The following BLNK variants were observed in gnomAD, a reference collection of about 807,000 sequenced individuals.
BLNK encodes B-cell linker protein.
In BLNK, 29 loss-of-function variants were observed where a neutral mutation model predicts 73.5. That is an observed-to-expected ratio of 0.39 (90% CI 0.29 to 0.54). The LOEUF (loss-of-function observed/expected upper bound fraction) is 0.54. Among genes scored for constraint, BLNK ranks in the 20% least tolerant of loss-of-function variants. The probability of loss-of-function intolerance (pLI) is 0.61; values close to 1 mark genes in which losing one functional copy is unlikely to be tolerated. For synonymous variants in BLNK, 176 were observed against 200.8 expected (o/e 0.88, Z 1.04); for missense variants, 460 against 562.8 (o/e 0.82, Z 1.85).
chr10:96,214,014 A>G (rs2084005975), intron 8 of BLNK, among the ~76,000 whole-genome samples: 1 of 152,232 alleles, frequency 6.6e-6, no homozygotes, highest in South Asian at 2.1e-4. Context: ...GAGTCCAGGA[A>G]AAGATTTTTA....
At chr10:96,225,961 G>A (rs587663011) in intron 5 of BLNK, among the ~76,000 whole-genome samples, 33 of 152,212 alleles carry the variant, frequency 2.2e-4, no homozygotes, top group African/African-American at 6.5e-4. Context: ...GTGTTCTTGA[G>A]TGAGCCACTT....
intron 1 of BLNK, among the ~76,000 whole-genome samples, chr10:96,254,660 G>A (rs1173157843): frequency 1.3e-5 from 2 of 152,096 alleles, no homozygotes; most frequent in East Asian, 3.9e-4. Flanking sequence ...ACAGGCGCCT[G>A]CCACCACGCC....
rs1351093632 is a variant in BLNK, at chr10:96,190,600, G to A, written c.*1373C>T. 6.6e-6 allele frequency among the ~76,000 whole-genome samples: 1 copy of A among 152,208 alleles called. No homozygotes were observed. Among genetic ancestry groups the A allele is most frequent in the African/African-American group, 2.4e-5 (1 of 41,452 alleles). On this transcript the variant is annotated 3_prime_UTR_variant, in exon 17 of 17. Transcript: ENST00000224337. ...ACATTTAAATATACAATTATCTTTA[G>A]AAGTGAGTCATGAGTTACCCTGAAA...
rs587762341 is a variant in BLNK at position 96,199,192 on chromosome 10, A to C, written c.1095+883T>G. Among the ~76,000 whole-genome samples, 21 of 152,350 alleles carry C rather than the reference A, an allele frequency of 1.4e-4. No individual in the cohort carries two copies. The South Asian group carries it at 4.3e-3, about 32-fold the overall frequency. ...AAGGGTGAGGAAGAACAGTATGTAA[A>C]TGCTATATATTCTGACAAAGTGGAG... On this transcript the variant is annotated intron_variant, in intron 15 of 16. Coordinates refer to ENST00000224337, the MANE Select transcript of BLNK (RefSeq NM_013314.4).
In BLNK at chr10:96,262,500, C is replaced by G. The variant is rs138673965; in HGVS notation, c.47+8852G>C. Among the ~76,000 whole-genome samples the G allele has an allele frequency of 6.1e-3, 936 of 152,260 alleles. 3 individuals are homozygous for G. Among genetic ancestry groups the G allele is most frequent in the Non-Finnish European group, 8.4e-3 (574 of 68,024 alleles). The stretch of plus-strand genomic sequence containing the variant: ...GGGATTAAGTGATCTTCTCAAAGAC[C>G]ACAAGCTGGTAAGTGCAGAGCAAAT... On this transcript the variant is annotated intron_variant, in intron 1 of 16. Transcript: ENST00000224337.
intron 1 of BLNK, among the ~76,000 whole-genome samples, chr10:96,253,683 T>C (rs1843381846): frequency 6.6e-6 from 1 of 152,164 alleles, no homozygotes; most frequent in Admixed American, 6.5e-5. Flanking sequence ...CTAGGCCTGG[T>C]GACTCTTATG....
At chr10:96,257,718 C>T (rs1016989013) in intron 1 of BLNK, among the ~76,000 whole-genome samples, 2 of 152,202 alleles carry the variant, frequency 1.3e-5, no homozygotes, top group African/African-American at 4.8e-5. Flanking sequence ...ATACATGACT[C>T]GTTTTGTTTT....
intron 1 of BLNK, among the ~76,000 whole-genome samples, chr10:96,255,817 T>G (rs1843483880): frequency 6.6e-6 from 1 of 152,102 alleles, no homozygotes; most frequent in African/African-American, 2.4e-5. Flanking sequence ...GAGGGCTTGT[T>G]AGGGCCTCTT....
rs1554892956 is a variant in BLNK at position 96,189,396 on chromosome 10, G to C, written c.*2577C>G. The stretch of plus-strand genomic sequence containing the variant: ...TCCTCCACTGCCAGGATCTTGAATA[G>C]TCTCCTGGTCAGTTGTCCGGAAGCA... On this transcript the variant is annotated 3_prime_UTR_variant, in exon 17 of 17. Transcript: ENST00000224337. 6.8e-6 allele frequency: 4 copies of C among 585,340 alleles called. No individual in the cohort carries two copies. Among genetic ancestry groups the C allele is most frequent in the Non-Finnish European group, 1.3e-5 (4 of 309,444 alleles). The allele number at this position is 585,340 out of a possible 1,614,324, so 36.3% of individuals were successfully genotyped here. A position where few individuals can be genotyped will look rare whatever the true frequency, so the allele number is the denominator to read the frequency against.
intron 11 of BLNK, among the ~76,000 whole-genome samples, chr10:96,205,743 A>C (rs1238045446): frequency 6.6e-6 from 1 of 152,190 alleles, no homozygotes; most frequent in Non-Finnish European, 1.5e-5. Context: ...CTCTTGAAAT[A>C]AATAACAAAG....
At chr10:96,207,959 T>C (rs1310473111) in intron 9 of BLNK, 60 bp from the exon 10 acceptor site, 8 of 1,545,374 alleles carry the variant, frequency 5.2e-6, no homozygotes, top group Non-Finnish European at 7.2e-6. Context: ...TGGAGCTATT[T>C]ACCATTATTT....
In BLNK at chr10:96,204,064, AGG is replaced by A; in HGVS notation, c.925_926del (p.Pro309SerfsTer22). ...AQKQIHQKPI[P>X]LPRFTEGGNP... ...TGGCTTCGTTGTACTTACTTGGCAGAGGTATGGGTTTTTGGTGGATTTGTCTG... is the reference window on the plus strand; with the variant it reads ...TGGCTTCGTTGTACTTACTTGGCAGATATGGGTTTTTGGTGGATTTGTCTG... On this transcript the variant is annotated frameshift_variant, in exon 13 of 17. Transcript: ENST00000224337. LOFTEE classifies it high-confidence loss of function. The A allele has an allele frequency of 6.2e-7, 1 of 1,613,700 alleles. No individual in the cohort carries two copies.
intron 11 of BLNK, 159 bp from the exon 12 acceptor site, chr10:96,204,775 TG>T (rs1459049595): frequency 7.4e-6 from 5 of 672,444 alleles, no homozygotes; most frequent in Non-Finnish European, 1.3e-5. Context: ...CTTGCCAGTC[TG>T]TTGATGTGGT....
chr10:96,244,130 A>G (rs540915776), intron 2 of BLNK, among the ~76,000 whole-genome samples: 3 of 152,308 alleles, frequency 2.0e-5, no homozygotes, highest in Non-Finnish European at 4.4e-5. Context: ...ATAGGCTCTC[A>G]ATATCTATTA....
At chr10:96,225,995 C>G (rs782225768) in intron 5 of BLNK, among the ~76,000 whole-genome samples, 3 of 152,240 alleles carry the variant, frequency 2.0e-5, no homozygotes, top group African/African-American at 7.2e-5. Context: ...TGCAGTAGCC[C>G]TTTCCTCCCC....
At chr10:96,214,692 G>T (rs1006195858) in intron 8 of BLNK, among the ~76,000 whole-genome samples, 18 of 152,290 alleles carry the variant, frequency 1.2e-4, no homozygotes, top group African/African-American at 4.1e-4. Flanking sequence ...TCAGGTTGGG[G>T]TTGGATGCCA....
chr10:96,246,772 GA>G (rs1365078888), intron 2 of BLNK, among the ~76,000 whole-genome samples: 2 of 152,194 alleles, frequency 1.3e-5, no homozygotes, highest in Non-Finnish European at 2.9e-5. Context: ...CAGTGAGAAG[GA>G]AAATCAAAGT....
chr10:96,230,768 T>C, intron 4 of BLNK, 26 bp downstream of exon 4: 1 of 1,603,266 alleles, frequency 6.2e-7, no homozygotes, highest in Non-Finnish European at 8.5e-7. Flanking sequence ...CCTGATGCCC[T>C]CCTGGTCCCA....
At chr10:96,230,345 G>T (rs1870172) in intron 4 of BLNK, among the ~76,000 whole-genome samples, 145,598 of 152,188 alleles carry the variant, frequency 0.96, 69,951 homozygotes, top group East Asian at 1. Flanking sequence ...AAACTTTCTA[G>T]ACCTTGGTCC....
Sources: gnomAD v4.1 joint callset for allele counts (sites outside exome capture counted in the v4.1 genomes callset) on GRCh38, gnomAD v4.1.1 for gene constraint, MANE v1.5 for transcripts, NCBI Gene and HGNC (gene_info 2026-07-23, HGNC 2026-07-21) for gene names.